The following THSD7A variants were observed in gnomAD, a reference collection of about 807,000 sequenced individuals.
THSD7A encodes the protein thrombospondin type 1 domain containing 7A, also known as thrombospondin type-1 domain-containing protein 7A.
In THSD7A, 96 loss-of-function variants were observed where a neutral mutation model predicts 231.3. The observed-to-expected ratio is 0.41, with a 90% CI of 0.35 to 0.49. The LOEUF is 0.49. Ranked by LOEUF, THSD7A falls within the 20% of genes least tolerant of loss-of-function variation. The pLI is 0.05. For missense variants in THSD7A, 2,290 were observed against 2,070.2 expected (o/e 1.11, Z -2.06); for synonymous variants, 940 against 743.3 (o/e 1.26, Z -4.30).
At chr7:11,699,079 A>G (rs1036368145) in intron 1 of THSD7A, among the ~76,000 whole-genome samples, 2 of 150,508 alleles carry the variant, frequency 1.3e-5, no homozygotes, top group African/African-American at 4.9e-5. Context: ...CTTTTTTTGT[A>G]AGGAAATAAA....
chr7:11,732,214 G>T (rs1781759340), intron 1 of THSD7A, among the ~76,000 whole-genome samples: 1 of 151,668 alleles, frequency 6.6e-6, no homozygotes, highest in Non-Finnish European at 1.5e-5. Context: ...TTTAATAGAA[G>T]ATCCACACAA....
intron 6 of THSD7A, among the ~76,000 whole-genome samples, chr7:11,524,680 A>G (rs1788401363): frequency 6.6e-6 from 1 of 152,214 alleles, no homozygotes; most frequent in Non-Finnish European, 1.5e-5. Context: ...CCAGAACTTG[A>G]TTTTCCTCCT....
intron 1 of THSD7A, among the ~76,000 whole-genome samples, chr7:11,769,149 A>ATG: frequency 2.8e-5 from 1 of 36,300 alleles, no homozygotes; most frequent in South Asian, 9.8e-4. Context: ...ATATATATAT[A>ATG]TATATTTTTT....
chr7:11,741,119 T>C (rs1782098418), intron 1 of THSD7A, among the ~76,000 whole-genome samples: 1 of 151,952 alleles, frequency 6.6e-6, no homozygotes, highest in Non-Finnish European at 1.5e-5. Context: ...GGGGAACTCT[T>C]AATAATTACA....
chr7:11,585,195 A>C (rs1214635975), intron 4 of THSD7A, among the ~76,000 whole-genome samples: 1 of 152,174 alleles, frequency 6.6e-6, no homozygotes, highest in African/African-American at 2.4e-5. Context: ...TAGACAACTA[A>C]CTACCTTAAT....
chr7:11,828,823 C>T (rs1785104365), intron 1 of THSD7A, among the ~76,000 whole-genome samples: 1 of 152,024 alleles, frequency 6.6e-6, no homozygotes, highest in Non-Finnish European at 1.5e-5. Context: ...GTACAGTTGG[C>T]TCTTGAACAA....
intron 1 of THSD7A, among the ~76,000 whole-genome samples, chr7:11,734,788 C>A (rs991347609): frequency 6.6e-6 from 1 of 151,832 alleles, no homozygotes; most frequent in African/African-American, 2.4e-5. Context: ...CAGTGCTTCA[C>A]CATATTTCCT....
chr7:11,575,890 G>A (rs1790878820), intron 4 of THSD7A, among the ~76,000 whole-genome samples: 1 of 152,168 alleles, frequency 6.6e-6, no homozygotes, highest in South Asian at 2.1e-4. Flanking sequence ...ATGTTAATAA[G>A]TTGTAATTCA....
chr7:11,402,099 ATAAGCATTTAAT>A (rs1783426295), intron 22 of THSD7A, 131 bp from the exon 23 acceptor site: 2 of 686,966 alleles, frequency 2.9e-6, no homozygotes, highest in Middle Eastern at 3.4e-4. Flanking sequence ...TAAGATTTAA[ATAAGCATTTAAT>A]ATTTGTAAAT....
At position 11,636,609 on chromosome 7, in the gene THSD7A, A is replaced by G. The variant is rs748664267; in HGVS notation, c.543T>C (p.Pro181=). The change falls in exon 2 of 28, where the codon CCT becomes CCC. Residue 181 remains proline, a synonymous_variant. Transcript: ENST00000423059. This position sits in a 1 kb window ranked among gnomAD's most constrained non-coding sequence, Gnocchi z 10.0. ...GAATGAGGCAAGCCTGCTCCAGGAG[A>G]GGCTTGGGCTCAAAGTACTCACAGA... ...DIICEYFEPK[P]LLEQACLIPC... The G allele has an allele frequency of 3.1e-6, 5 of 1,613,866 alleles. No individual in the cohort carries two copies. The highest frequency in any genetic ancestry group is 2.2e-5 in the South Asian group (2 of 91,084).
At chr7:11,804,679 A>G (rs760749887) in intron 1 of THSD7A, among the ~76,000 whole-genome samples, 33 of 152,186 alleles carry the variant, frequency 2.2e-4, no homozygotes, top group Non-Finnish European at 3.7e-4. Context: ...TGATTAAGGC[A>G]TTACATTTCT....
At chr7:11,499,836 A>G (rs1007855673) in intron 6 of THSD7A, among the ~76,000 whole-genome samples, 2 of 152,236 alleles carry the variant, frequency 1.3e-5, no homozygotes, top group Non-Finnish European at 2.9e-5. Context: ...GGCCAAATCT[A>G]TGAATCAGTG....
At chr7:11,396,466 C>T (rs1783191346) in intron 23 of THSD7A, among the ~76,000 whole-genome samples, 1 of 152,118 alleles carries the variant, frequency 6.6e-6, no homozygotes, top group African/African-American at 2.4e-5. Flanking sequence ...TCACCGATCC[C>T]ACAGAAATAC....
chr7:11,461,999 C>G lies in THSD7A; in HGVS notation c.2501+12G>C. 6.2e-7 allele frequency: 1 copy of G among 1,612,654 alleles called. No individual in the cohort carries two copies. On this transcript the variant is annotated intron_variant, in intron 10 of 27. Coordinates refer to ENST00000423059, the MANE Select transcript of THSD7A (RefSeq NM_015204.3). The stretch of plus-strand genomic sequence containing the variant: ...TCAGCTCCTCCCTCACGATGCATTT[C>G]TCTAACCCTACCTGTAGCTTTGGCA...
At chr7:11,434,640 C>G (rs1275012879) in intron 13 of THSD7A, among the ~76,000 whole-genome samples, 2 of 152,002 alleles carry the variant, frequency 1.3e-5, no homozygotes, top group Non-Finnish European at 2.9e-5. Context: ...GGATTAATTT[C>G]AAAAGCAACC....
chr7:11,413,029 A>G (rs758222694), intron 17 of THSD7A, among the ~76,000 whole-genome samples: 3 of 152,088 alleles, frequency 2.0e-5, no homozygotes, highest in Non-Finnish European at 4.4e-5. Flanking sequence ...GTTAATACAC[A>G]CATCACCTCA....
chr7:11,566,873 C>T (rs961595114), intron 4 of THSD7A, among the ~76,000 whole-genome samples: 1 of 150,000 alleles, frequency 6.7e-6, no homozygotes, highest in African/African-American at 2.5e-5. Flanking sequence ...GCTAGGAAAT[C>T]CTTCTAAATG....
intron 6 of THSD7A, among the ~76,000 whole-genome samples, chr7:11,531,335 C>A (rs1788699701): frequency 6.6e-6 from 1 of 152,132 alleles, no homozygotes; most frequent in African/African-American, 2.4e-5. Flanking sequence ...ATCAGTGATT[C>A]TTTAAAAACA....
chr7:11,754,718 T>C (rs928502992), intron 1 of THSD7A, among the ~76,000 whole-genome samples: 2 of 152,162 alleles, frequency 1.3e-5, no homozygotes, highest in African/African-American at 4.8e-5. Flanking sequence ...GGCCATATAA[T>C]GTATTTCCTA....
Sources: gnomAD v4.1 joint callset for allele counts (sites outside exome capture counted in the v4.1 genomes callset) on GRCh38, gnomAD v4.1.1 for gene constraint, Gnocchi (gnomAD v3.1) non-coding constraint, MANE v1.5 for transcripts, NCBI Gene and HGNC (gene_info 2026-07-23, HGNC 2026-07-21) for gene names.